Variants in SLMAP observed in about 807,000 individuals in gnomAD.
SLMAP encodes sarcolemma associated protein.
In SLMAP, 44 loss-of-function variants were observed where a neutral mutation model predicts 128.8. The ratio of observed to expected loss-of-function variants is 0.34; its 90% CI spans 0.27 to 0.44. The LOEUF is 0.44. Among genes scored for constraint, SLMAP ranks in the 20% least tolerant of loss-of-function variants. The pLI, the probability that SLMAP is intolerant of heterozygous loss-of-function variation, is 1.00. For synonymous variants in SLMAP, 327 were observed against 348.8 expected (o/e 0.94, Z 0.70); for missense variants, 787 against 985.3 (o/e 0.80, Z 2.69).
intron 17 of SLMAP, chr3:57,899,992 G>T (rs1473141438): frequency 1.4e-5 from 2 of 141,536 alleles, no homozygotes; most frequent in African/African-American, 5.3e-5. Context: ...TGTTATGCTT[G>T]ATTATGTGTG....
rs2095418993 is a variant in SLMAP at position 57,869,621 on chromosome 3, C to T, written c.1238-2015C>T. On this transcript the variant is annotated intron_variant, in intron 13 of 24. Transcript: ENST00000671191. ...TGATCCTAGACAACATAGCAAGATCCCATCTCTATTATATATATATATATA... is the reference window on the plus strand; with the variant it reads ...TGATCCTAGACAACATAGCAAGATCTCATCTCTATTATATATATATATATA... Among the ~76,000 whole-genome samples the T allele has an allele frequency of 8.8e-5, 6 of 67,826 alleles. No individual in the cohort carries two copies. The South Asian group carries it at 2.7e-3, about 31-fold the overall frequency. The allele number at this position is 67,826 out of a possible 152,430, so 44.5% of individuals were successfully genotyped here.
chr3:57,828,035 GC>G (rs890824021), intron 2 of SLMAP, among the ~76,000 whole-genome samples: 7 of 152,184 alleles, frequency 4.6e-5, no homozygotes, highest in Non-Finnish European at 1.0e-4. Flanking sequence ...AGCAACCTCT[GC>G]CCCCCAGATT....
chr3:57,771,186 C>T lies in SLMAP; in HGVS notation c.198+13337C>T, dbSNP rs572687699. Among the ~76,000 whole-genome samples, 7 of 145,378 alleles carry T rather than the reference C, an allele frequency of 4.8e-5. No individual in the cohort carries two copies. The East Asian group carries it at 1.5e-3, about 30-fold the overall frequency. ...CCCCTCCCCTCCCCTCCCCTCTCCTCTCCTCCCTTCTCTTTCTCCTCCTCC... is the reference window on the plus strand; with the variant it reads ...CCCCTCCCCTCCCCTCCCCTCTCCTTTCCTCCCTTCTCTTTCTCCTCCTCC... On this transcript the variant is annotated intron_variant, in intron 2 of 24. Coordinates refer to ENST00000671191, the MANE Select transcript of SLMAP (RefSeq NM_001377540.1).
In SLMAP at chr3:57,871,152, G is replaced by T. The variant is rs2095470948; in HGVS notation, c.1238-484G>T. Among the ~76,000 whole-genome samples the T allele has an allele frequency of 3.3e-5, 5 of 152,116 alleles. No homozygotes were observed. In the South Asian group the frequency reaches 8.3e-4, roughly 25 times the overall value. ...GACTCAAAAGGGAAGATTATGAAAT[G>T]AATATGTAAAACTTATTACATCAAT... is the stretch of plus-strand genomic sequence containing the variant. On this transcript the variant is annotated intron_variant, in intron 13 of 24. Transcript: ENST00000671191.
chr3:57,916,776 C>T, intron 21 of SLMAP, 130 bp from the exon 22 acceptor site: 1 of 665,910 alleles, frequency 1.5e-6, no homozygotes, highest in Non-Finnish European at 2.4e-6. Flanking sequence ...ATATTTCATT[C>T]TTTTTTATAC....
At chr3:57,758,168 T>C (rs535607651) in intron 2 of SLMAP, among the ~76,000 whole-genome samples, 1 of 152,304 alleles carries the variant, frequency 6.6e-6, no homozygotes, top group African/African-American at 2.4e-5. Context: ...AAAGGTGAAT[T>C]CACAGTTCAG....
intron 21 of SLMAP, among the ~76,000 whole-genome samples, chr3:57,914,348 C>A (rs1021673754): frequency 6.6e-6 from 1 of 152,096 alleles, no homozygotes; most frequent in Non-Finnish European, 1.5e-5. Flanking sequence ...AAGCCATGAT[C>A]ACACCACTGT....
intron 2 of SLMAP, among the ~76,000 whole-genome samples, chr3:57,822,030 G>A (rs2092569162): frequency 6.6e-6 from 1 of 151,922 alleles, no homozygotes; most frequent in Non-Finnish European, 1.5e-5. Context: ...TTCCCACCAG[G>A]CTCTCAGGAT....
At chr3:57,813,191 G>A (rs1360471992) in intron 2 of SLMAP, among the ~76,000 whole-genome samples, 1 of 150,994 alleles carries the variant, frequency 6.6e-6, no homozygotes, top group Non-Finnish European at 1.5e-5. Flanking sequence ...CACCTCCCGA[G>A]TTCAGGTGAT....
intron 14 of SLMAP, among the ~76,000 whole-genome samples, chr3:57,873,306 G>T (rs1286970551): frequency 6.6e-6 from 1 of 151,892 alleles, no homozygotes; most frequent in Non-Finnish European, 1.5e-5. Flanking sequence ...AGTTTGAGAT[G>T]AACCTGGCCA....
chr3:57,813,885 T>A (rs1194021483), intron 2 of SLMAP, among the ~76,000 whole-genome samples: 2 of 152,122 alleles, frequency 1.3e-5, no homozygotes, highest in African/African-American at 4.8e-5. Context: ...AACATCTTGT[T>A]AGTTGCCTAT....
intron 15 of SLMAP, among the ~76,000 whole-genome samples, chr3:57,895,703 A>G (rs901870773): frequency 6.6e-6 from 1 of 151,838 alleles, no homozygotes; most frequent in African/African-American, 2.4e-5. Flanking sequence ...GTGCTTTGGG[A>G]GGCTGAGACG....
rs1375579856 is a variant in SLMAP, at chr3:57,857,603, G to A, written c.520-130G>A. On this transcript the variant is annotated intron_variant, in intron 6 of 24. Transcript: ENST00000671191. ...TGTATGTTTTACAAAGTACTATCAA[G>A]TTTCACTACTTTAAAATACATCAAG... 6.1e-6 allele frequency: 4 copies of A among 654,496 alleles called. No homozygotes were observed. In the East Asian group the frequency reaches 1.1e-4, roughly 18 times the overall value. 40.5% of individuals were successfully genotyped at this position (654,496 alleles called of 1,614,324 possible). A position where few individuals can be genotyped will look rare whatever the true frequency, so the allele number is the denominator to read the frequency against.
At chr3:57,802,264 A>T (rs1429876249) in intron 2 of SLMAP, among the ~76,000 whole-genome samples, 1 of 151,184 alleles carries the variant, frequency 6.6e-6, no homozygotes, top group African/African-American at 2.4e-5. Flanking sequence ...GGCAACTACT[A>T]ATCTGCTCTT....
intron 2 of SLMAP, among the ~76,000 whole-genome samples, chr3:57,825,617 A>G (rs2153537625): frequency 1.3e-5 from 2 of 151,950 alleles, no homozygotes; most frequent in Non-Finnish European, 2.9e-5. Context: ...AAGCAATGCC[A>G]GCCACTTTTA....
At position 57,771,210 on chromosome 3, in the gene SLMAP, C is replaced by T. The variant is rs541230349; in HGVS notation, c.198+13361C>T. On this transcript the variant is annotated intron_variant, in intron 2 of 24. Coordinates refer to ENST00000671191, the MANE Select transcript of SLMAP (RefSeq NM_001377540.1). ...TCTCCTCCCTTCTCTTTCTCCTCCTCCTCCTCCTTTGAGAGAGAGAGAGAG... is the reference window on the plus strand; with the variant it reads ...TCTCCTCCCTTCTCTTTCTCCTCCTTCTCCTCCTTTGAGAGAGAGAGAGAG... Among the ~76,000 whole-genome samples the T allele has an allele frequency of 2.1e-4, 30 of 142,138 alleles. No homozygotes were observed. In the East Asian group the frequency reaches 5.6e-3, roughly 26 times the overall value. The allele number at this position is 142,138 out of a possible 152,430, so 93.2% of individuals were successfully genotyped here.
intron 15 of SLMAP, chr3:57,896,283 C>T (rs1276674757): frequency 8.1e-6 from 10 of 1,236,166 alleles, no homozygotes; most frequent in Non-Finnish European, 1.0e-5. Flanking sequence ...AGCCCCAGCC[C>T]TCAGCAAAGC....
In SLMAP at chr3:57,835,756, C is replaced by T. The variant is rs964475117; in HGVS notation, c.346+4226C>T. On this transcript the variant is annotated intron_variant, in intron 3 of 24. Coordinates refer to ENST00000671191, the MANE Select transcript of SLMAP (RefSeq NM_001377540.1). ...TAAAAAATAGCAAAATACTATACAGCTGTGAAAATGTATGGACTAAATTTG... is the reference window on the plus strand; with the variant it reads ...TAAAAAATAGCAAAATACTATACAGTTGTGAAAATGTATGGACTAAATTTG... Among the ~76,000 whole-genome samples, 10 of 152,114 alleles carry T rather than the reference C, an allele frequency of 6.6e-5. No homozygotes were observed. In the East Asian group the frequency reaches 1.9e-3, roughly 29 times the overall value.
intron 6 of SLMAP, among the ~76,000 whole-genome samples, chr3:57,854,443 C>T (rs1398928264): frequency 1.3e-5 from 2 of 151,860 alleles, no homozygotes; most frequent in Non-Finnish European, 2.9e-5. Context: ...ACAAAAAATA[C>T]AAAAATTAGC....
Sources: allele counts gnomAD v4.1 joint callset (sites outside exome capture counted in the v4.1 genomes callset), GRCh38; gene constraint gnomAD v4.1.1; transcripts MANE v1.5; gene names NCBI Gene and HGNC (gene_info 2026-07-23, HGNC 2026-07-21).